Variants in GRIK2 observed in about 807,000 individuals in gnomAD.
GRIK2 encodes the protein glutamate receptor ionotropic, kainate 2.
GRIK2 carries 32 observed loss-of-function variants against 100.3 expected under a neutral mutation model. That is an observed-to-expected ratio of 0.32 (90% CI 0.24 to 0.43). The LOEUF is 0.43. Among genes scored for constraint, GRIK2 ranks in the 20% least tolerant of loss-of-function variants. The probability of loss-of-function intolerance (pLI) is 1.00; values close to 1 mark genes in which losing one functional copy is unlikely to be tolerated. For synonymous variants in GRIK2, 417 were observed against 389.4 expected (o/e 1.07, Z -0.83); for missense variants, 843 against 1,114.9 (o/e 0.76, Z 3.47).
chr6:101,520,783 A>G lies in GRIK2; in HGVS notation c.116-101166A>G, dbSNP rs374070636. Among the ~76,000 whole-genome samples the G allele has an allele frequency of 3.5e-4, 54 of 152,226 alleles. 1 individual carries two copies. In the South Asian group the frequency reaches 8.1e-3, roughly 23 times the overall value. On this transcript the variant is annotated intron_variant, in intron 2 of 16. Coordinates refer to ENST00000369134, the MANE Select transcript of GRIK2 (RefSeq NM_021956.5). ...CCTCCTAAATATTCTCTATAATACA[A>G]TGCTATGCAATGGCACATGACATGA...
rs376496940 is a variant in GRIK2 at position 101,649,107 on chromosome 6, T to C, written c.541+22470T>C. Among the ~76,000 whole-genome samples the C allele has an allele frequency of 1.6e-4, 25 of 152,006 alleles. 3 individuals carry two copies. The highest frequency in any genetic ancestry group is 1.5e-3 in the East Asian group (8 of 5,166). On this transcript the variant is annotated intron_variant, in intron 4 of 16. Transcript: ENST00000369134. ...TATGGGTGGGGACACAGCCAAACCA[T>C]ATCACTAAATGTTCTGAGTACTTAC...
At chr6:101,655,552 C>A (rs377691676) in intron 4 of GRIK2, among the ~76,000 whole-genome samples, 3 of 152,278 alleles carry the variant, frequency 2.0e-5, no homozygotes, top group East Asian at 1.9e-4. Flanking sequence ...AGAAAAAAAA[C>A]CACTTCCTCG....
chr6:101,846,690 T>C (rs1783829405), intron 10 of GRIK2, among the ~76,000 whole-genome samples: 1 of 151,970 alleles, frequency 6.6e-6, no homozygotes, highest in African/African-American at 2.4e-5. Context: ...ATCTCTTTAT[T>C]TTCTCTAGAT....
At chr6:102,041,918 T>C (rs952851522) in intron 15 of GRIK2, among the ~76,000 whole-genome samples, 2 of 151,610 alleles carry the variant, frequency 1.3e-5, no homozygotes, top group Admixed American at 1.3e-4. Flanking sequence ...ATTAAATATA[T>C]AGCCGAGAAA....
chr6:101,507,577 A>G (rs959640036), intron 2 of GRIK2, among the ~76,000 whole-genome samples: 2 of 152,208 alleles, frequency 1.3e-5, no homozygotes, highest in Admixed American at 1.3e-4. Flanking sequence ...TTTGGTGGAC[A>G]TACATTTGAA....
chr6:101,633,068 G>A (rs1365624351), intron 4 of GRIK2, among the ~76,000 whole-genome samples: 1 of 152,098 alleles, frequency 6.6e-6, no homozygotes, highest in Non-Finnish European at 1.5e-5. Flanking sequence ...AAACAAGGAA[G>A]ATGAGGAATG....
chr6:101,798,544 T>A (rs1780467084), intron 7 of GRIK2, among the ~76,000 whole-genome samples: 1 of 152,132 alleles, frequency 6.6e-6, no homozygotes, highest in African/African-American at 2.4e-5. Flanking sequence ...TTATGTGGTA[T>A]AGCTCCTTAG....
chr6:101,753,136 G>T (rs779039785), intron 7 of GRIK2, among the ~76,000 whole-genome samples: 3 of 151,954 alleles, frequency 2.0e-5, no homozygotes, highest in Non-Finnish European at 4.4e-5. Context: ...CAAAAAATTA[G>T]CCTGGCGTGG....
intron 12 of GRIK2, among the ~76,000 whole-genome samples, chr6:101,904,606 A>T (rs1202144823): frequency 1.3e-5 from 2 of 151,464 alleles, no homozygotes; most frequent in Non-Finnish European, 3.0e-5. Flanking sequence ...AATTTTCTAA[A>T]TGCATAAAAA....
At chr6:101,641,203 T>TA (rs1456042928) in intron 4 of GRIK2, among the ~76,000 whole-genome samples, 1 of 152,076 alleles carries the variant, frequency 6.6e-6, no homozygotes, top group African/African-American at 2.4e-5. Flanking sequence ...CATATAAATT[T>TA]AAAAATAGTT....
chr6:101,923,586 A>C (rs1177757333), intron 12 of GRIK2, among the ~76,000 whole-genome samples: 1 of 152,154 alleles, frequency 6.6e-6, no homozygotes, highest in African/African-American at 2.4e-5. Context: ...CAAAATAATA[A>C]ATGGAAAACA....
intron 11 of GRIK2, among the ~76,000 whole-genome samples, chr6:101,867,819 A>C (rs371491990): frequency 1.2e-4 from 18 of 151,370 alleles, no homozygotes; most frequent in African/African-American, 4.4e-4. Context: ...TACTTAAAAG[A>C]AATTGTTTCC....
intron 14 of GRIK2, among the ~76,000 whole-genome samples, chr6:101,968,317 TA>T (rs933464956): frequency 1.3e-5 from 2 of 152,094 alleles, no homozygotes; most frequent in Admixed American, 1.3e-4. Flanking sequence ...TTATATGTGA[TA>T]AAATAAGATG....
intron 2 of GRIK2, among the ~76,000 whole-genome samples, chr6:101,610,155 T>A (rs1474560324): frequency 6.6e-6 from 1 of 151,438 alleles, no homozygotes; most frequent in African/African-American, 2.4e-5. Context: ...ATATTCCACC[T>A]AAGAGCATTA....
At chr6:101,812,763 A>G (rs1467834168) in intron 9 of GRIK2, among the ~76,000 whole-genome samples, 1 of 152,034 alleles carries the variant, frequency 6.6e-6, no homozygotes, top group Non-Finnish European at 1.5e-5. Context: ...ATCATCCATT[A>G]CTGCACAGAG....
intron 2 of GRIK2, among the ~76,000 whole-genome samples, chr6:101,554,150 G>A (rs2128293310): frequency 6.6e-6 from 1 of 152,194 alleles, no homozygotes. Context: ...AGTTATGGCT[G>A]AAATTACAAA....
intron 2 of GRIK2, among the ~76,000 whole-genome samples, chr6:101,590,673 C>T (rs570213027): frequency 1.3e-5 from 2 of 152,122 alleles, no homozygotes; most frequent in East Asian, 3.9e-4. Flanking sequence ...TCATACTCTT[C>T]CTAACGAGAT....
Position 101,470,204 on chromosome 6 carries a change from A to ACTGCTTCAGTGGGTATATACCAGTGG in GRIK2, c.115+70812_115+70813insCTGCTTCAGTGGGTATATACCAGTGG, listed in dbSNP as rs1400903081. ...CCAGTGGCTTCACCGGAACTGAAGC[A>ACTGCTTCAGTGGGTATATACCAGTGG]GTACTCTGGACTACCCACGTTAGCA... On this transcript the variant is annotated intron_variant, in intron 2 of 16. Transcript: ENST00000369134. Among the ~76,000 whole-genome samples the ACTGCTTCAGTGGGTATATACCAGTGG allele has an allele frequency of 8.5e-5, 13 of 152,322 alleles. No individual in the cohort carries two copies. In the East Asian group the frequency reaches 2.5e-3, roughly 29 times the overall value.
intron 7 of GRIK2, among the ~76,000 whole-genome samples, chr6:101,776,794 G>A (rs566198481): frequency 1.3e-5 from 2 of 152,196 alleles, no homozygotes; most frequent in South Asian, 4.1e-4. Context: ...ATTGTGTAGG[G>A]ATCAGGTTAT....
Sources: gnomAD v4.1 joint callset for allele counts (sites outside exome capture counted in the v4.1 genomes callset) on GRCh38, gnomAD v4.1.1 for gene constraint, MANE v1.5 for transcripts, NCBI Gene and HGNC (gene_info 2026-07-23, HGNC 2026-07-21) for gene names.